CSMD1: variants seen among roughly 807,000 people sequenced by gnomAD.
CSMD1 encodes the protein CUB and sushi domain-containing protein 1.
CSMD1 carries 213 observed loss-of-function variants against 417.5 expected under a neutral mutation model. The ratio of observed to expected loss-of-function variants is 0.51; its 90% confidence interval spans 0.46 to 0.57. The LOEUF is 0.57. Ranked by LOEUF, CSMD1 falls within the 20% of genes least tolerant of loss-of-function variation. The pLI, the probability that CSMD1 is intolerant of heterozygous loss-of-function variation, is 0.00. For synonymous variants in CSMD1, 2,862 were observed against 1,736.8 expected (o/e 1.65, Z -16.11); for missense variants, 6,923 against 4,529.7 (o/e 1.53, Z -15.17).
intron 7 of CSMD1, among the ~76,000 whole-genome samples, chr8:3,674,671 G>C (rs368121451): frequency 6.6e-6 from 1 of 152,034 alleles, no homozygotes; most frequent in East Asian, 1.9e-4. Context: ...GATTTTTCTA[G>C]CCATATAACC....
Position 3,584,689 on chromosome 8 carries a change from G to C in CSMD1, c.1222+1447C>G, listed in dbSNP as rs566336131. Reference sequence around the variant, plus strand: ...GTTACTCTAAAATACTGATTTAAAAGTAACATTTAAAAGAATGCACATTTA... The same window carrying C: ...GTTACTCTAAAATACTGATTTAAAACTAACATTTAAAAGAATGCACATTTA... On this transcript the variant is annotated intron_variant, in intron 9 of 69. Transcript: ENST00000635120. Among the ~76,000 whole-genome samples the C allele has an allele frequency of 2.0e-5, 3 of 152,234 alleles. No individual in the cohort carries two copies. In the East Asian group the frequency reaches 5.8e-4, roughly 29 times the overall value.
At chr8:4,753,246 TGA>T (rs1318588148) in intron 1 of CSMD1, among the ~76,000 whole-genome samples, 1 of 151,746 alleles carries the variant, frequency 6.6e-6, no homozygotes, top group Non-Finnish European at 1.5e-5. Flanking sequence ...TGTTCTGGGC[TGA>T]GTCACAAAAG....
intron 1 of CSMD1, among the ~76,000 whole-genome samples, chr8:4,720,334 T>A (rs1808972033): frequency 6.6e-6 from 1 of 152,160 alleles, no homozygotes; most frequent in Non-Finnish European, 1.5e-5. Context: ...TGCACCAGAA[T>A]AACATGGTAC....
intron 5 of CSMD1, among the ~76,000 whole-genome samples, chr8:3,979,430 G>C (rs556684162): frequency 1.3e-5 from 2 of 152,144 alleles, no homozygotes; most frequent in Admixed American, 6.5e-5. Context: ...GCAGGAGAAG[G>C]CGTTGATAAA....
intron 52 of CSMD1, among the ~76,000 whole-genome samples, chr8:3,017,536 G>C (rs1436569229): frequency 1.3e-5 from 2 of 151,842 alleles, no homozygotes; most frequent in African/African-American, 2.4e-5. Context: ...AAGAGTGTGA[G>C]AAACCAAGCA....
intron 3 of CSMD1, among the ~76,000 whole-genome samples, chr8:4,140,260 G>A (rs1315367035): frequency 1.3e-5 from 2 of 150,966 alleles, no homozygotes; most frequent in Non-Finnish European, 1.5e-5. Context: ...ACTTTGGGAA[G>A]CTAAGGCGGG....
intron 1 of CSMD1, among the ~76,000 whole-genome samples, chr8:4,720,265 G>C (rs546802698): frequency 6.6e-6 from 1 of 151,818 alleles, no homozygotes; most frequent in Non-Finnish European, 1.5e-5. Flanking sequence ...GGAAAAGTTG[G>C]AAAAATTTTT....
chr8:4,517,570 T>G (rs955093370), intron 2 of CSMD1, among the ~76,000 whole-genome samples: 1 of 152,190 alleles, frequency 6.6e-6, no homozygotes, highest in Non-Finnish European at 1.5e-5. Context: ...GCAGTTTCAT[T>G]TTACAGAGTT....
intron 5 of CSMD1, among the ~76,000 whole-genome samples, chr8:3,936,332 A>C (rs1435989764): frequency 6.6e-6 from 1 of 152,166 alleles, no homozygotes; most frequent in Non-Finnish European, 1.5e-5. Context: ...GAGTGTAAAC[A>C]AAGCAGCCTT....
chr8:3,119,321 G>A (rs138290797), intron 41 of CSMD1, among the ~76,000 whole-genome samples: 49 of 130,646 alleles, frequency 3.8e-4, no homozygotes, highest in East Asian at 1.4e-3. Context: ...AAAATATGTC[G>A]TTATTTGGTT....
chr8:3,338,992 C>G (rs185235586), intron 23 of CSMD1, among the ~76,000 whole-genome samples: 1,431 of 127,976 alleles, frequency 0.011, 25 homozygotes, highest in African/African-American at 0.039. Context: ...CCCCTCCCCC[C>G]ACCCCACAAC....
At chr8:3,386,319 G>A (rs894002011) in intron 18 of CSMD1, among the ~76,000 whole-genome samples, 1 of 152,152 alleles carries the variant, frequency 6.6e-6, no homozygotes, top group Non-Finnish European at 1.5e-5. Context: ...TGCTCGTGTG[G>A]CCCCACAGAC....
intron 10 of CSMD1, among the ~76,000 whole-genome samples, chr8:3,504,327 C>A (rs1313085198): frequency 6.6e-6 from 1 of 152,112 alleles, no homozygotes; most frequent in Admixed American, 6.5e-5. Flanking sequence ...GCTTACTCAA[C>A]GAGAGTCTTG....
intron 1 of CSMD1, among the ~76,000 whole-genome samples, chr8:4,689,566 C>A (rs377016229): frequency 6.6e-6 from 1 of 152,144 alleles, no homozygotes; most frequent in African/African-American, 2.4e-5. Context: ...AGTTACAATA[C>A]ATTTTTGAAA....
At position 4,412,249 on chromosome 8, in the gene CSMD1, A is replaced by G. The variant is rs186346528; in HGVS notation, c.415+7704T>C. On this transcript the variant is annotated intron_variant, in intron 3 of 69. Coordinates refer to ENST00000635120, the MANE Select transcript of CSMD1 (RefSeq NM_033225.6). ...GTAGGGCCTGGTAGGAGGTGACTAG[A>G]TCATGGTGGGGCAGATTTCTCATGA... is the stretch of plus-strand genomic sequence containing the variant. 1.1e-4 allele frequency among the ~76,000 whole-genome samples: 17 copies of G among 152,228 alleles called. No individual in the cohort carries two copies. The East Asian group carries it at 3.1e-3, about 28-fold the overall frequency.
chr8:3,973,848 A>T (rs1200479448), intron 5 of CSMD1, among the ~76,000 whole-genome samples: 2 of 150,966 alleles, frequency 1.3e-5, no homozygotes, highest in African/African-American at 2.4e-5. Context: ...CTGTTTTTTA[A>T]TTTTAAGTGT....
At chr8:4,405,757 A>C (rs368355418) in intron 3 of CSMD1, among the ~76,000 whole-genome samples, 4 of 152,202 alleles carry the variant, frequency 2.6e-5, no homozygotes, top group Non-Finnish European at 4.4e-5. Context: ...GACACCCCAG[A>C]AACAGTTTAA....
chr8:4,311,200 G>C (rs1057266108), intron 3 of CSMD1, among the ~76,000 whole-genome samples: 1 of 152,110 alleles, frequency 6.6e-6, no homozygotes, highest in Non-Finnish European at 1.5e-5. Flanking sequence ...ACATGCACGT[G>C]AATGTTCATT....
At chr8:4,270,378 C>T (rs1804510762) in intron 3 of CSMD1, among the ~76,000 whole-genome samples, 1 of 152,178 alleles carries the variant, frequency 6.6e-6, no homozygotes, top group Admixed American at 6.5e-5. Context: ...TCTCCTTCGT[C>T]TCCATCCATG....
Sources: allele counts gnomAD v4.1 joint callset (sites outside exome capture counted in the v4.1 genomes callset), GRCh38; gene constraint gnomAD v4.1.1; transcripts MANE v1.5; gene names NCBI Gene and HGNC (gene_info 2026-07-23, HGNC 2026-07-21).